LHFPL2: variants seen among roughly 807,000 people sequenced by gnomAD.
The protein encoded by LHFPL2 is LHFPL tetraspan subfamily member 2.
Under a neutral mutation model 17.5 loss-of-function variants are expected in LHFPL2, and 7 were observed. That is an observed-to-expected ratio of 0.40 (90% CI 0.23 to 0.75). The LOEUF is 0.75. Ranked by LOEUF, LHFPL2 falls within the 30% of genes least tolerant of loss-of-function variation. The pLI, the probability that LHFPL2 is intolerant of heterozygous loss-of-function variation, is 0.37. For missense variants in LHFPL2, 241 were observed against 294.8 expected (o/e 0.82, Z 1.34); for synonymous variants, 134 against 116.2 (o/e 1.15, Z -0.99).
intron 4 of LHFPL2, among the ~76,000 whole-genome samples, chr5:78,506,890 T>A (rs756360512): frequency 6.6e-6 from 1 of 152,164 alleles, no homozygotes; most frequent in Non-Finnish European, 1.5e-5. Flanking sequence ...ATTTTTGAGA[T>A]GCTGCATAAG....
chr5:78,568,300 G>A (rs1055633301), intron 2 of LHFPL2, among the ~76,000 whole-genome samples: 6 of 152,090 alleles, frequency 3.9e-5, no homozygotes, highest in South Asian at 2.1e-4. Context: ...TAAAACTACC[G>A]TGTTTTTGCA....
Position 78,509,937 on chromosome 5 carries a change from C to A in LHFPL2, c.277G>T (p.Ala93Ser), listed in dbSNP as rs375322098. The change falls in exon 4 of 5, where the codon GCC becomes TCC. Residue 93 changes from alanine (A) to serine (S), a missense_variant. Coordinates refer to ENST00000380345, the MANE Select transcript of LHFPL2 (RefSeq NM_005779.3). The stretch of plus-strand genomic sequence containing the variant: ...GCTGTGGCCTGCCAGAAGCCGCTGG[C>A]GATCTCGCCGAAGCTCTCGGCGTAG... ...GPYAESFGEI[A>S]SGFWQATAIF... 7 of 1,613,650 alleles carry A rather than the reference C, an allele frequency of 4.3e-6. No homozygotes were observed. Among genetic ancestry groups the A allele is most frequent in the Middle Eastern group, 1.6e-4 (1 of 6,078 alleles).
intron 2 of LHFPL2, among the ~76,000 whole-genome samples, chr5:78,599,269 G>C (rs1350191204): frequency 6.6e-6 from 1 of 152,086 alleles, no homozygotes; most frequent in East Asian, 1.9e-4. Context: ...TCCCAAGATT[G>C]AAAGCGAAGA....
At chr5:78,606,262 A>G (rs1744208664) in intron 2 of LHFPL2, among the ~76,000 whole-genome samples, 1 of 152,188 alleles carries the variant, frequency 6.6e-6, no homozygotes. Context: ...TACTTTCCCA[A>G]TGCCTAAGCG....
chr5:78,510,355 T>A lies in LHFPL2; in HGVS notation c.-142A>T, dbSNP rs1755076285. The stretch of plus-strand genomic sequence containing the variant: ...CTCCCGCCGCCGGCCGCGTTCATGC[T>A]GGGGACAGCGCTCCCGGACCCAGAG... On this transcript the variant is annotated 5_prime_UTR_variant, in exon 4 of 5. Coordinates refer to ENST00000380345, the MANE Select transcript of LHFPL2 (RefSeq NM_005779.3). 3.6e-6 allele frequency: 3 copies of A among 841,666 alleles called. No individual in the cohort carries two copies. The highest frequency in any genetic ancestry group is 3.4e-5 in the African/African-American group (2 of 58,040). The allele number at this position is 841,666 out of a possible 1,614,324, so 52.1% of individuals were successfully genotyped here.
chr5:78,630,673 A>C (rs1022255070), intron 2 of LHFPL2, among the ~76,000 whole-genome samples: 2 of 152,112 alleles, frequency 1.3e-5, no homozygotes. Flanking sequence ...TTTACATGGC[A>C]CTTACTGTCT....
chr5:78,608,760 A>G (rs748981477), intron 2 of LHFPL2, among the ~76,000 whole-genome samples: 59 of 151,970 alleles, frequency 3.9e-4, no homozygotes, highest in Non-Finnish European at 5.9e-4. Flanking sequence ...GTGAAACCCC[A>G]TCTCTACAAA....
intron 1 of LHFPL2, among the ~76,000 whole-genome samples, chr5:78,647,763 G>A (rs900210412): frequency 1.3e-5 from 2 of 152,026 alleles, no homozygotes; most frequent in African/African-American, 2.4e-5. Flanking sequence ...AAGTCGAACG[G>A]GATTGAAGAA....
intron 3 of LHFPL2, among the ~76,000 whole-genome samples, chr5:78,551,994 T>TCA (rs1756455374): frequency 1.3e-5 from 2 of 152,212 alleles, no homozygotes; most frequent in Admixed American, 1.3e-4. Context: ...ACATGCCTGT[T>TCA]CATACTCTGT....
intron 4 of LHFPL2, among the ~76,000 whole-genome samples, chr5:78,492,339 T>A (rs1754473688): frequency 6.6e-6 from 1 of 152,214 alleles, no homozygotes; most frequent in Admixed American, 6.5e-5. Context: ...CACTTTAATA[T>A]ATTAGGGACA....
intron 2 of LHFPL2, among the ~76,000 whole-genome samples, chr5:78,627,282 C>T (rs548525879): frequency 6.6e-6 from 1 of 152,000 alleles, no homozygotes; most frequent in African/African-American, 2.4e-5. Context: ...CACAGGCCCT[C>T]GAAGTTAACC....
chr5:78,585,455 C>T (rs1443480327), intron 2 of LHFPL2, among the ~76,000 whole-genome samples: 2 of 152,186 alleles, frequency 1.3e-5, no homozygotes, highest in Non-Finnish European at 2.9e-5. Flanking sequence ...AATGCCTCGC[C>T]CTGCTTCGGC....
chr5:78,585,613 C>T (rs1406191717), intron 2 of LHFPL2, among the ~76,000 whole-genome samples: 3 of 152,162 alleles, frequency 2.0e-5, no homozygotes, highest in East Asian at 1.9e-4. Context: ...TGTTCCTATT[C>T]AGCCATCTTG....
intron 2 of LHFPL2, among the ~76,000 whole-genome samples, chr5:78,586,501 C>T (rs2112453794): frequency 6.6e-6 from 1 of 152,282 alleles, no homozygotes; most frequent in South Asian, 2.1e-4. Context: ...GCTGGTATAC[C>T]ACAGGCTTCT....
chr5:78,496,022 C>A (rs980029506), intron 4 of LHFPL2, among the ~76,000 whole-genome samples: 3 of 152,156 alleles, frequency 2.0e-5, no homozygotes, highest in Non-Finnish European at 2.9e-5. Context: ...TGTTGCCTCC[C>A]CGGGAAATGT....
At chr5:78,609,608 G>C (rs1223316385) in intron 2 of LHFPL2, among the ~76,000 whole-genome samples, 1 of 152,008 alleles carries the variant, frequency 6.6e-6, no homozygotes, top group African/African-American at 2.4e-5. Context: ...AAAGAAAACA[G>C]TGTTTTCTGA....
At chr5:78,585,958 C>T (rs931677401) in intron 2 of LHFPL2, among the ~76,000 whole-genome samples, 1 of 152,140 alleles carries the variant, frequency 6.6e-6, no homozygotes, top group African/African-American at 2.4e-5. Flanking sequence ...GGTCATGGAA[C>T]ATCAGAGCTT....
At chr5:78,565,419 A>G (rs1290540306) in intron 2 of LHFPL2, among the ~76,000 whole-genome samples, 1 of 152,262 alleles carries the variant, frequency 6.6e-6, no homozygotes, top group Non-Finnish European at 1.5e-5. Context: ...TTGAAAAGTA[A>G]GAACTTATTA....
chr5:78,574,106 G>A (rs1054212433), intron 2 of LHFPL2, among the ~76,000 whole-genome samples: 1 of 152,210 alleles, frequency 6.6e-6, no homozygotes, highest in Non-Finnish European at 1.5e-5. Flanking sequence ...GTACGCTCAC[G>A]ATGAGAACTA....
Sources: allele counts gnomAD v4.1 joint callset (sites outside exome capture counted in the v4.1 genomes callset), GRCh38; gene constraint gnomAD v4.1.1; transcripts MANE v1.5; gene names NCBI Gene and HGNC (gene_info 2026-07-23, HGNC 2026-07-21).